The following SEMA3D variants were observed in gnomAD, a reference collection of about 807,000 sequenced individuals.
SEMA3D encodes semaphorin 3D.
A neutral mutation model predicts 100.1 loss-of-function variants in SEMA3D; 84 were observed. That is an observed-to-expected ratio of 0.84 (90% CI 0.70 to 1.01). The LOEUF (loss-of-function observed/expected upper bound fraction) is 1.01, where lower values mean the gene tolerates loss of function less well. Among genes scored for constraint, SEMA3D ranks in the 50% least tolerant of loss-of-function variants. SEMA3D has a pLI of 0.00. For synonymous variants in SEMA3D, 312 were observed against 320.7 expected (o/e 0.97, Z 0.29); for missense variants, 875 against 934.1 (o/e 0.94, Z 0.82).
At chr7:85,137,218 C>T (rs1387170015) in intron 2 of SEMA3D, among the ~76,000 whole-genome samples, 1 of 151,512 alleles carries the variant, frequency 6.6e-6, no homozygotes, top group Non-Finnish European at 1.5e-5. Flanking sequence ...AGAGAAGTAA[C>T]ATGTATTACA....
intron 14 of SEMA3D, 61 bp from the exon 15 acceptor site, chr7:85,018,354 T>C (rs113032700): frequency 2.9e-6 from 3 of 1,042,724 alleles, no homozygotes; most frequent in Non-Finnish European, 4.5e-6. Flanking sequence ...TATTAAACAA[T>C]ATGTTGTTTT....
At chr7:85,115,401 A>C (rs1001532814) in intron 3 of SEMA3D, among the ~76,000 whole-genome samples, 2 of 152,196 alleles carry the variant, frequency 1.3e-5, no homozygotes, top group Non-Finnish European at 2.9e-5. Flanking sequence ...TGTTTTGCTC[A>C]ATATGAATCT....
chr7:85,005,344 G>A (rs1431699072), intron 18 of SEMA3D, among the ~76,000 whole-genome samples: 1 of 151,910 alleles, frequency 6.6e-6, no homozygotes, highest in Admixed American at 6.6e-5. Context: ...TCAATATATA[G>A]GTAAAAAATG....
In SEMA3D at chr7:85,012,776, A is replaced by G. The variant is rs182694281; in HGVS notation, c.1768+6T>C. ...GGGAGAAAAAGCATATCAGAGCTGT[A>G]CTTACTGTCTTCGATGTCCCAGCAC... On this transcript the variant is annotated splice_donor_region_variant and intron_variant, in intron 17 of 18. Coordinates refer to ENST00000284136, the MANE Select transcript of SEMA3D (RefSeq NM_001384900.1). 1.9e-5 allele frequency: 31 copies of G among 1,605,482 alleles called. 2 individuals are homozygous for G. The Admixed American group carries it at 4.2e-4, about 22-fold the overall frequency.
At chr7:85,092,588 G>A (rs58484624) in intron 4 of SEMA3D, among the ~76,000 whole-genome samples, 5,474 of 151,946 alleles carry the variant, frequency 0.036, 302 homozygotes, top group African/African-American at 0.12. Flanking sequence ...ATTAAATGAT[G>A]CTTAAGTCAT....
chr7:85,187,375 G>A (rs1055085772), upstream of SEMA3D, among the ~76,000 whole-genome samples: 1 of 152,132 alleles, frequency 6.6e-6, no homozygotes. Flanking sequence ...GAAACAGGGA[G>A]AGTGACCACA....
At chr7:85,094,477 C>T (rs1788490723) in intron 4 of SEMA3D, among the ~76,000 whole-genome samples, 1 of 151,958 alleles carries the variant, frequency 6.6e-6, no homozygotes, top group Non-Finnish European at 1.5e-5. Context: ...GAGGCTTTTG[C>T]TGGGGCTACG....
intron 2 of SEMA3D, among the ~76,000 whole-genome samples, chr7:85,122,169 G>A (rs28753730): frequency 0.044 from 6,693 of 151,582 alleles, 291 homozygotes; most frequent in African/African-American, 0.11. Flanking sequence ...AAACCACCAT[G>A]GCACGTGTAC....
At chr7:85,014,974 A>T in intron 16 of SEMA3D, 85 bp downstream of exon 16, 1 of 970,448 alleles carries the variant, frequency 1.0e-6, no homozygotes, top group Non-Finnish European at 1.5e-6. Context: ...TTTTCTCTTT[A>T]ACTTAAACTA....
At chr7:85,029,344 G>A in intron 12 of SEMA3D, 1 of 1,351,014 alleles carries the variant, frequency 7.4e-7, no homozygotes. Flanking sequence ...AGCTGAAGAT[G>A]AGAAGCAGAG....
At chr7:85,198,952 G>A in the SEMA3D span, among the ~76,000 whole-genome samples, 21 of 149,222 alleles carry the variant, frequency 1.4e-4, no homozygotes, top group South Asian at 4.0e-3. Flanking sequence ...ATTTTCTTAC[G>A]ATTACTACTT....
chr7:85,132,856 G>C (rs77156046), intron 2 of SEMA3D, among the ~76,000 whole-genome samples: 2 of 151,802 alleles, frequency 1.3e-5, no homozygotes, highest in Admixed American at 1.3e-4. Context: ...GCATAATATG[G>C]ATCTTATTAA....
chr7:85,247,834 G>A, the SEMA3D span, among the ~76,000 whole-genome samples: 1 of 152,038 alleles, frequency 6.6e-6, no homozygotes, highest in South Asian at 2.1e-4. Context: ...AAGAACAGCT[G>A]GATATCTGGA....
At chr7:85,166,408 C>T (rs1008667604) in intron 1 of SEMA3D, among the ~76,000 whole-genome samples, 1 of 151,422 alleles carries the variant, frequency 6.6e-6, no homozygotes. Flanking sequence ...TTGGCAGTGA[C>T]GATGGAAAGG....
At position 84,999,766 on chromosome 7, in the gene SEMA3D, G is replaced by A; in HGVS notation, c.2008C>T (p.His670Tyr). Residue 670 changes from histidine to tyrosine, a missense_variant, in exon 19 of 19, where the codon CAC becomes TAC. Transcript: ENST00000284136. ...SGMYYCKAQE[H>Y]TFIHTIVKLT... Reference sequence around the variant, plus strand: ...TTCACTATGGTGTGGATGAAAGTGTGCTCCTGGGCTTTGCAGTAATACATC... The same window carrying A: ...TTCACTATGGTGTGGATGAAAGTGTACTCCTGGGCTTTGCAGTAATACATC... The A allele has an allele frequency of 1.9e-6, 3 of 1,613,956 alleles. No homozygotes were observed. The highest frequency in any genetic ancestry group is 2.5e-6 in the Non-Finnish European group (3 of 1,179,980).
chr7:85,088,937 T>A (rs1178096661), intron 4 of SEMA3D, among the ~76,000 whole-genome samples: 1 of 152,188 alleles, frequency 6.6e-6, no homozygotes, highest in African/African-American at 2.4e-5. Context: ...ATTTTAGCTT[T>A]CTTCCACGAA....
the SEMA3D span, among the ~76,000 whole-genome samples, chr7:85,228,063 G>C: frequency 1.2e-4 from 18 of 152,208 alleles, no homozygotes; most frequent in African/African-American, 4.1e-4. Context: ...ATATGACATT[G>C]GCCAAAAGCA....
the SEMA3D span, among the ~76,000 whole-genome samples, chr7:85,242,266 G>A: frequency 6.6e-6 from 1 of 152,000 alleles, no homozygotes; most frequent in Non-Finnish European, 1.5e-5. Flanking sequence ...TGGACACTTA[G>A]ATTAATAATT....
the SEMA3D span, among the ~76,000 whole-genome samples, chr7:85,194,503 GA>G: frequency 0.68 from 103,078 of 151,518 alleles, 35,972 homozygotes; most frequent in East Asian, 0.92. Context: ...TATGCAAACA[GA>G]AAAAAAAATA....
Sources: gnomAD v4.1 joint callset for allele counts (sites outside exome capture counted in the v4.1 genomes callset) on GRCh38, gnomAD v4.1.1 for gene constraint, MANE v1.5 for transcripts, NCBI Gene and HGNC (gene_info 2026-07-23, HGNC 2026-07-21) for gene names.